SHROOM3: variants seen among roughly 807,000 people sequenced by gnomAD.
SHROOM3 encodes shroom family member 3.
In SHROOM3, 47 loss-of-function variants were observed where a neutral mutation model predicts 138.6. The ratio of observed to expected loss-of-function variants is 0.34; its 90% CI spans 0.27 to 0.43. SHROOM3 has a LOEUF of 0.43. SHROOM3 is among the 20% of genes least tolerant of loss of function. SHROOM3 has a pLI of 1.00. For missense variants in SHROOM3, 2,491 were observed against 2,596.5 expected (o/e 0.96, Z 0.88); for synonymous variants, 1,062 against 1,063.3 (o/e 1.00, Z 0.02).
chr4:76,628,496 G>T (rs767532159), intron 2 of SHROOM3, among the ~76,000 whole-genome samples: 4 of 152,174 alleles, frequency 2.6e-5, no homozygotes, highest in Non-Finnish European at 5.9e-5. Context: ...TCCAGGAAGT[G>T]AATGCAGTGG....
At chr4:76,755,599 C>G (rs1366697652) in intron 7 of SHROOM3, among the ~76,000 whole-genome samples, 2 of 152,192 alleles carry the variant, frequency 1.3e-5, no homozygotes, top group South Asian at 4.1e-4. Flanking sequence ...AAGTGGGTCT[C>G]TTGATACTGA....
Position 76,754,618 on chromosome 4 carries a change from C to T in SHROOM3, c.4135C>T (p.Pro1379Ser), listed in dbSNP as rs773359770. 1.9e-6 allele frequency: 3 copies of T among 1,614,172 alleles called. No individual in the cohort carries two copies. The highest frequency in any genetic ancestry group is 2.5e-6 in the Non-Finnish European group (3 of 1,180,016). The change falls in exon 7 of 11, where the codon CCG (proline) becomes TCG (serine). Residue 1379 changes from proline to serine, a missense_variant. Around this residue, in one of 4 missense-constraint regions of SHROOM3, gnomAD observed 1,733 missense variants for 1,661.6 expected, o/e 1.04. Coordinates refer to ENST00000296043, the MANE Select transcript of SHROOM3 (RefSeq NM_020859.4). ...CGGTCAGACAGGGCGACAGCCTCTC[C>T]CGCCCTACACCCCTGCCATGATGCA... Reference protein sequence around the residue: ...QDGQTGRQPLPPYTPAMMHRS... With the variant: ...QDGQTGRQPLSPYTPAMMHRS...
chr4:76,578,633 G>A (rs1733984698), intron 2 of SHROOM3, among the ~76,000 whole-genome samples: 1 of 152,226 alleles, frequency 6.6e-6, no homozygotes, highest in African/African-American at 2.4e-5. Flanking sequence ...CATTTATGAT[G>A]TAGACCCAAG....
chr4:76,617,043 A>G (rs774542479), intron 2 of SHROOM3, among the ~76,000 whole-genome samples: 6 of 152,206 alleles, frequency 3.9e-5, no homozygotes, highest in Non-Finnish European at 5.9e-5. Flanking sequence ...GTGAAGTAGC[A>G]CTGTATTTTA....
At chr4:76,618,511 G>C (rs564037454) in intron 2 of SHROOM3, among the ~76,000 whole-genome samples, 9 of 152,144 alleles carry the variant, frequency 5.9e-5, no homozygotes, top group Admixed American at 5.2e-4. Context: ...AACTTAATAG[G>C]AAAGTTACAA....
At chr4:76,667,828 C>T (rs1718745394) in intron 2 of SHROOM3, among the ~76,000 whole-genome samples, 1 of 151,262 alleles carries the variant, frequency 6.6e-6, no homozygotes, top group African/African-American at 2.4e-5. Flanking sequence ...ATTAGCTGGG[C>T]GTGGTGGCGC....
chr4:76,697,071 C>T (rs149128319), intron 2 of SHROOM3, among the ~76,000 whole-genome samples: 52 of 151,954 alleles, frequency 3.4e-4, no homozygotes, highest in African/African-American at 5.6e-4. Flanking sequence ...CACATGCCAC[C>T]GCACCCAGCT....
chr4:76,485,944 G>A (rs1731720568), intron 1 of SHROOM3, among the ~76,000 whole-genome samples: 1 of 152,110 alleles, frequency 6.6e-6, no homozygotes, highest in Non-Finnish European at 1.5e-5. Context: ...TATGATCATA[G>A]CTTGGCCATT....
intron 1 of SHROOM3, among the ~76,000 whole-genome samples, chr4:76,527,939 G>A (rs540382087): frequency 4.6e-5 from 7 of 152,268 alleles, no homozygotes; most frequent in South Asian, 2.1e-4. Context: ...TGATTTAGAC[G>A]CCAAGGTTCT....
At position 76,741,427 on chromosome 4, in the gene SHROOM3, C is replaced by T. The variant is rs780858599; in HGVS notation, c.3254C>T (p.Ala1085Val). 1.9e-6 allele frequency: 3 copies of T among 1,592,524 alleles called. No individual in the cohort carries two copies. Among genetic ancestry groups the T allele is most frequent in the Admixed American group, 1.7e-5 (1 of 57,480 alleles). Residue 1085 changes from alanine to valine, a missense_variant, in exon 5 of 11, where the codon GCC (alanine) becomes GTC (valine). Transcript: ENST00000296043. This position sits in a 1 kb window ranked among gnomAD's most constrained non-coding sequence, Gnocchi z 6.2. ...GPELKQFQQSALADYIQRKTG... is the reference protein window; with the variant it reads ...GPELKQFQQSVLADYIQRKTG... ...GAGCTGAAGCAGTTCCAGCAGAGCGCCCTGGCGGACTACATCCAGCGCAAG... is the reference window on the plus strand; with the variant it reads ...GAGCTGAAGCAGTTCCAGCAGAGCGTCCTGGCGGACTACATCCAGCGCAAG...
chr4:76,508,670 CCAAT>C (rs1732265270), intron 1 of SHROOM3, among the ~76,000 whole-genome samples: 2 of 152,172 alleles, frequency 1.3e-5, no homozygotes, highest in Admixed American at 1.3e-4. Context: ...ATAAAGCCTT[CCAAT>C]CAATGAACGT....
At chr4:76,686,678 G>A (rs1719345365) in intron 2 of SHROOM3, among the ~76,000 whole-genome samples, 1 of 151,918 alleles carries the variant, frequency 6.6e-6, no homozygotes, top group Non-Finnish European at 1.5e-5. Context: ...ATATGAATCA[G>A]ACCCTCTGAA....
chr4:76,676,205 C>A (rs1212538181), intron 2 of SHROOM3, among the ~76,000 whole-genome samples: 1 of 151,864 alleles, frequency 6.6e-6, no homozygotes, highest in Non-Finnish European at 1.5e-5. Flanking sequence ...ATGGCTGGAG[C>A]AACTGGGAAA....
In SHROOM3 at chr4:76,766,411, C is replaced by T. The variant is rs373185015; in HGVS notation, c.5350-4215C>T. Among the ~76,000 whole-genome samples, 4 of 152,230 alleles carry T rather than the reference C, an allele frequency of 2.6e-5. No homozygotes were observed. In the South Asian group the frequency reaches 8.3e-4, roughly 32 times the overall value. On this transcript the variant is annotated intron_variant, in intron 9 of 10. Transcript: ENST00000296043. ...CTGTAGGCAGGAAGTGGGGAAGGGT[C>T]CAGAGGACATTTCTGCAGAGGATGA...
intron 1 of SHROOM3, among the ~76,000 whole-genome samples, chr4:76,552,515 T>C (rs1327486849): frequency 6.6e-6 from 1 of 150,772 alleles, no homozygotes; most frequent in East Asian, 1.9e-4. Context: ...TCCCAAAATA[T>C]CTATATATGT....
intron 1 of SHROOM3, among the ~76,000 whole-genome samples, chr4:76,443,404 C>T (rs1458268686): frequency 6.6e-6 from 1 of 152,200 alleles, no homozygotes; most frequent in East Asian, 1.9e-4. Context: ...ATTGGAGAGG[C>T]ATAATGAGAG....
In SHROOM3 at chr4:76,779,193, CCAACCAAAAGATCACTGTTTCTCT is replaced by C. The variant is rs768051786; in HGVS notation, c.*21_*44del. 6.3e-7 allele frequency: 1 copy of C among 1,583,892 alleles called. No homozygotes were observed. ...TCCACTTTAACCTCTTCTAAAATAC[CCAACCAAAAGATCACTGTTTCTCT>C]CAACACTATTTAATCTGAAAAATGT... On this transcript the variant is annotated 3_prime_UTR_variant, in exon 11 of 11. Transcript: ENST00000296043.
chr4:76,776,872 G>A (rs1722587005), intron 10 of SHROOM3, among the ~76,000 whole-genome samples: 1 of 152,060 alleles, frequency 6.6e-6, no homozygotes, highest in Non-Finnish European at 1.5e-5. Flanking sequence ...TCTTCACTTT[G>A]TTTTTGTTTG....
intron 1 of SHROOM3, among the ~76,000 whole-genome samples, chr4:76,494,928 A>G (rs757130840): frequency 6.6e-5 from 10 of 152,250 alleles, no homozygotes; most frequent in Admixed American, 3.9e-4. Context: ...ACAAACAAAC[A>G]AACAAACTCT....
Sources: gnomAD v4.1 joint callset for allele counts (sites outside exome capture counted in the v4.1 genomes callset) on GRCh38, gnomAD v4.1.1 for gene constraint, gnomAD v4.1.1 regional missense constraint, Gnocchi (gnomAD v3.1) non-coding constraint, MANE v1.5 for transcripts, NCBI Gene and HGNC (gene_info 2026-07-23, HGNC 2026-07-21) for gene names.